Variants in NEK10 observed in about 807,000 individuals in gnomAD.
NEK10 encodes NIMA related kinase 10, also known as serine/threonine-protein kinase Nek10.
NEK10 carries 122 observed loss-of-function variants against 159.8 expected under a neutral mutation model. That is an observed-to-expected ratio of 0.76 (90% CI 0.66 to 0.89). NEK10 has a LOEUF of 0.89. Among genes scored for constraint, NEK10 ranks in the 40% least tolerant of loss-of-function variants. The probability of loss-of-function intolerance (pLI) is 0.00; values close to 1 mark genes in which losing one functional copy is unlikely to be tolerated. For missense variants in NEK10, 1,342 were observed against 1,323.1 expected, an observed-to-expected ratio of 1.01 and a Z score of -0.22; for synonymous variants, 466 against 457.1, an observed-to-expected ratio of 1.02 and a Z score of -0.25.
intron 29 of NEK10, among the ~76,000 whole-genome samples, chr3:27,166,436 G>GA (rs1946483647): frequency 6.6e-6 from 1 of 152,188 alleles, no homozygotes; most frequent in Admixed American, 6.5e-5. Flanking sequence ...GACATTAGCA[G>GA]ATGGGCCAGG....
rs769348603 is a variant in NEK10 at position 27,162,512 on chromosome 3, A to G, written c.2869+189T>C. ...ACAGCAGGAAGGCTATGGGACTGCC[A>G]CCCTGTCACTAACTCAGCCTCTATT... On this transcript the variant is annotated intron_variant, in intron 30 of 35. Coordinates refer to ENST00000691995, the MANE Select transcript of NEK10 (RefSeq NM_001394966.1). 2.4e-5 allele frequency: 39 copies of G among 1,614,030 alleles called. No homozygotes were observed. In the Middle Eastern group the frequency reaches 4.9e-4, roughly 20 times the overall value.
chr3:27,174,313 A>G (rs1220560967), intron 28 of NEK10, 126 bp downstream of exon 28: 2 of 1,445,394 alleles, frequency 1.4e-6, no homozygotes, highest in African/African-American at 2.9e-5. Flanking sequence ...TGTCCTAATT[A>G]GCACTGCACC....
rs9856589 is a variant in NEK10 at position 27,230,013 on chromosome 3, C to T, written c.2090+26283G>A. ...TCTAGATATCCAAATACAAGAAGCT[C>T]GAAGAACTCCTGGGAAATTAATTAC... On this transcript the variant is annotated intron_variant, in intron 23 of 35. Transcript: ENST00000691995. Among the ~76,000 whole-genome samples the T allele has an allele frequency of 5.2e-3, 797 of 152,044 alleles. 9 individuals carry two copies. Among genetic ancestry groups the T allele is most frequent in the African/African-American group, 0.018 (746 of 41,494 alleles).
intron 35 of NEK10, among the ~76,000 whole-genome samples, chr3:27,115,271 C>A (rs1488401672): frequency 6.6e-6 from 1 of 152,168 alleles, no homozygotes; most frequent in East Asian, 1.9e-4. Context: ...ATTATAAAAC[C>A]TTTCTTGAAT....
At position 27,192,181 on chromosome 3, in the gene NEK10, C is replaced by G. The variant is rs779225796; in HGVS notation, c.2353G>C (p.Asp785His). 1 of 1,614,182 alleles carries G rather than the reference C, an allele frequency of 6.2e-7. No individual in the cohort carries two copies. The change falls in exon 26 of 36, where the codon GAT becomes CAT. Residue 785 changes from aspartate (D) to histidine (H), a missense_variant. Coordinates refer to ENST00000691995, the MANE Select transcript of NEK10 (RefSeq NM_001394966.1). ...DIVEVSSMIS[D>H]VMMKYLDNLS... Reference sequence around the variant, plus strand: ...TTGTCTAAATATTTCATCATGACATCTGATATCATCGAACTGACTTCTACA... The same window carrying G: ...TTGTCTAAATATTTCATCATGACATGTGATATCATCGAACTGACTTCTACA...
chr3:27,301,191 G>A (rs571257783), intron 13 of NEK10, among the ~76,000 whole-genome samples: 62 of 152,332 alleles, frequency 4.1e-4, no homozygotes, highest in Non-Finnish European at 8.1e-4. Context: ...CTGCCAAAAA[G>A]CATTGATGCA....
chr3:27,132,742 G>A (rs1942766848), intron 31 of NEK10, among the ~76,000 whole-genome samples: 1 of 152,090 alleles, frequency 6.6e-6, no homozygotes, highest in Admixed American at 6.5e-5. Context: ...AAGGATAATA[G>A]AAAAGAAATT....
intron 32 of NEK10, among the ~76,000 whole-genome samples, chr3:27,124,977 C>A (rs1261787885): frequency 6.6e-6 from 1 of 152,088 alleles, no homozygotes; most frequent in Non-Finnish European, 1.5e-5. Context: ...CATTCAAACT[C>A]TGTTTGAAAG....
chr3:27,176,594 A>G (rs1334622591), intron 26 of NEK10, among the ~76,000 whole-genome samples: 1 of 152,158 alleles, frequency 6.6e-6, no homozygotes, highest in Non-Finnish European at 1.5e-5. Flanking sequence ...TTCCATGCCT[A>G]CCTCTTTTCT....
At chr3:27,128,012 C>G (rs1173983222) in intron 32 of NEK10, among the ~76,000 whole-genome samples, 3 of 152,024 alleles carry the variant, frequency 2.0e-5, no homozygotes, top group Non-Finnish European at 4.4e-5. Flanking sequence ...GTTCTGTTGT[C>G]CCCTTATTTG....
intron 5 of NEK10, among the ~76,000 whole-genome samples, chr3:27,331,288 C>T (rs2046403758): frequency 1.4e-5 from 2 of 139,828 alleles, no homozygotes; most frequent in Non-Finnish European, 3.1e-5. Context: ...ACTTTTGAGG[C>T]CTTAATGAAA....
chr3:27,109,987 A>C lies in NEK10; in HGVS notation c.*1285T>G, dbSNP rs992484726. The C allele has an allele frequency of 1.3e-5, 2 of 151,622 alleles. No individual in the cohort carries two copies. The highest frequency in any genetic ancestry group is 3.9e-4 in the East Asian group (2 of 5,140). The allele number at this position is 151,622 out of a possible 1,614,324, so 9.4% of individuals were successfully genotyped here. A position where few individuals can be genotyped will look rare whatever the true frequency, so the allele number is the denominator to read the frequency against. On this transcript the variant is annotated 3_prime_UTR_variant, in exon 36 of 36. Transcript: ENST00000691995. ...GTAGATTTTCATACTATACAGAAAG[A>C]AGGTTATGGTCTTTCAACCACTGTA...
chr3:27,165,538 A>G (rs1336864474), intron 29 of NEK10, among the ~76,000 whole-genome samples: 1 of 152,142 alleles, frequency 6.6e-6, no homozygotes, highest in Non-Finnish European at 1.5e-5. Context: ...GGCTTAACAT[A>G]TTACTGTTTG....
chr3:27,215,637 C>A (rs1951435252), intron 23 of NEK10: 4 of 468,984 alleles, frequency 8.5e-6, no homozygotes, highest in Admixed American at 7.4e-5. Flanking sequence ...TTTTGTTTAT[C>A]ACATTTAAAG....
chr3:27,247,551 T>G (rs1032149064), intron 23 of NEK10, among the ~76,000 whole-genome samples: 7 of 151,902 alleles, frequency 4.6e-5, no homozygotes, highest in Admixed American at 3.9e-4. Flanking sequence ...TTTTATTTTA[T>G]TTTTTTGAGA....
rs1242465738 is a variant in NEK10 at position 27,106,967 on chromosome 3, T to C, written c.*4305A>G. Among the ~76,000 whole-genome samples, 1 of 152,128 alleles carries C rather than the reference T, an allele frequency of 6.6e-6. No individual in the cohort carries two copies. Among genetic ancestry groups the C allele is most frequent in the East Asian group, 1.9e-4 (1 of 5,188 alleles). On this transcript the variant is annotated 3_prime_UTR_variant, in exon 36 of 36. Coordinates refer to ENST00000691995, the MANE Select transcript of NEK10 (RefSeq NM_001394966.1). ...CTGGGGCCAGTGCACATCTTCACAG[T>C]ACAAAAGGAAAGGAGAGAAAAAGGC...
At chr3:27,266,622 G>C (rs988244237) in intron 22 of NEK10, among the ~76,000 whole-genome samples, 1 of 152,150 alleles carries the variant, frequency 6.6e-6, no homozygotes, top group African/African-American at 2.4e-5. Context: ...ACTTTCCTTA[G>C]TTCTTGTGCT....
intron 5 of NEK10, among the ~76,000 whole-genome samples, chr3:27,340,384 C>T (rs1187832373): frequency 1.3e-5 from 2 of 152,118 alleles, no homozygotes; most frequent in East Asian, 3.9e-4. Context: ...GGAGGGAGAG[C>T]ATTAGGACAA....
intron 23 of NEK10, among the ~76,000 whole-genome samples, chr3:27,228,971 C>T (rs1952931196): frequency 6.6e-6 from 1 of 152,148 alleles, no homozygotes. Flanking sequence ...GGTATTAGCA[C>T]TGGGTATTAC....
Sources: gnomAD v4.1 joint callset for allele counts (sites outside exome capture counted in the v4.1 genomes callset) on GRCh38, gnomAD v4.1.1 for gene constraint, MANE v1.5 for transcripts, NCBI Gene and HGNC (gene_info 2026-07-23, HGNC 2026-07-21) for gene names.